Variants in HECW2 observed in about 807,000 individuals in gnomAD.
HECW2 encodes the protein E3 ubiquitin-protein ligase HECW2.
In HECW2, 61 loss-of-function variants were observed where a neutral mutation model predicts 175.2. The observed-to-expected ratio is 0.35, with a 90% CI of 0.28 to 0.43. The LOEUF is 0.43. HECW2 is among the 20% of genes least tolerant of loss of function. The pLI, the probability that HECW2 is intolerant of heterozygous loss-of-function variation, is 1.00. For synonymous variants in HECW2, 671 were observed against 731.0 expected (o/e 0.92, Z 1.32); for missense variants, 1,524 against 2,000.5 (o/e 0.76, Z 4.54).
intron 11 of HECW2, 55 bp downstream of exon 11, chr2:196,307,880 T>C: frequency 2.1e-6 from 3 of 1,423,394 alleles, no homozygotes; most frequent in Non-Finnish European, 2.8e-6. Flanking sequence ...TTGTGCCAAG[T>C]AAAAATTAGC....
intron 1 of HECW2, among the ~76,000 whole-genome samples, chr2:196,459,832 G>A (rs1428005966): frequency 2.0e-5 from 3 of 152,174 alleles, no homozygotes; most frequent in African/African-American, 4.8e-5. Context: ...TCAGAGATCC[G>A]AAAATTCCAC....
chr2:196,438,530 C>T (rs1575542819), intron 1 of HECW2, among the ~76,000 whole-genome samples: 1 of 152,100 alleles, frequency 6.6e-6, no homozygotes, highest in South Asian at 2.1e-4. Context: ...CATACAGGAC[C>T]GGGAAGTACA....
intron 1 of HECW2, among the ~76,000 whole-genome samples, chr2:196,578,361 C>T (rs1287172439): frequency 6.6e-6 from 1 of 152,068 alleles, no homozygotes; most frequent in Admixed American, 6.6e-5. Context: ...AACAGAGCTT[C>T]AGAAACCTGT....
At chr2:196,559,375 T>C (rs1390029088) in intron 1 of HECW2, among the ~76,000 whole-genome samples, 1 of 152,228 alleles carries the variant, frequency 6.6e-6, no homozygotes, top group Admixed American at 6.5e-5. Flanking sequence ...GGAGGTTCAA[T>C]TCCTTCATCA....
chr2:196,335,601 C>T (rs1692522012), intron 3 of HECW2, among the ~76,000 whole-genome samples: 1 of 152,042 alleles, frequency 6.6e-6, no homozygotes, highest in Admixed American at 6.6e-5. Flanking sequence ...TCTTTGGTTT[C>T]CTTATTTTAA....
At chr2:196,358,530 G>A (rs1296244267) in intron 2 of HECW2, among the ~76,000 whole-genome samples, 1 of 125,490 alleles carries the variant, frequency 8.0e-6, no homozygotes, top group Admixed American at 9.8e-5. Flanking sequence ...AGGTTGCAGT[G>A]AGCCGAGATC....
At chr2:196,431,535 A>C (rs192512629) in intron 2 of HECW2, among the ~76,000 whole-genome samples, 6 of 152,324 alleles carry the variant, frequency 3.9e-5, no homozygotes, top group Admixed American at 6.5e-5. Flanking sequence ...TAAGTCTTCT[A>C]TTAAGATTAT....
intron 1 of HECW2, among the ~76,000 whole-genome samples, chr2:196,523,178 A>C (rs1189957954): frequency 6.6e-6 from 1 of 152,130 alleles, no homozygotes; most frequent in Non-Finnish European, 1.5e-5. Flanking sequence ...TACTCCTTGA[A>C]GAGGTCATTC....
intron 2 of HECW2, among the ~76,000 whole-genome samples, chr2:196,415,796 A>G (rs1695239526): frequency 1.3e-5 from 2 of 152,244 alleles, no homozygotes; most frequent in South Asian, 4.1e-4. Flanking sequence ...GATTGGCCAG[A>G]AAACTGGGAG....
At chr2:196,505,216 A>T (rs1407002339) in intron 1 of HECW2, among the ~76,000 whole-genome samples, 1 of 152,228 alleles carries the variant, frequency 6.6e-6, no homozygotes, top group East Asian at 1.9e-4. Flanking sequence ...GACAGCAGTA[A>T]GAATTAAGAC....
intron 28 of HECW2, among the ~76,000 whole-genome samples, chr2:196,205,989 G>T (rs2375683): frequency 0.22 from 33,118 of 151,900 alleles, 4,427 homozygotes; most frequent in East Asian, 0.54. Context: ...TATGAGCCAA[G>T]GCCAGGAAAA....
chr2:196,359,765 T>C (rs1033458007), intron 2 of HECW2, among the ~76,000 whole-genome samples: 1 of 152,182 alleles, frequency 6.6e-6, no homozygotes, highest in African/African-American at 2.4e-5. Context: ...AACCAAATAC[T>C]TGTTGGAGCT....
chr2:196,249,059 A>T (rs1467352558), intron 19 of HECW2, among the ~76,000 whole-genome samples: 1 of 152,254 alleles, frequency 6.6e-6, no homozygotes, highest in Non-Finnish European at 1.5e-5. Flanking sequence ...TAATATATTT[A>T]TGAAAGAGTT....
intron 1 of HECW2, among the ~76,000 whole-genome samples, chr2:196,575,050 C>T (rs1193662819): frequency 7.4e-6 from 1 of 134,780 alleles, no homozygotes; most frequent in Non-Finnish European, 1.5e-5. Context: ...CACTATACTC[C>T]AGCCTGGGTA....
chr2:196,326,800 AGAC>A (rs1305255419), intron 5 of HECW2, among the ~76,000 whole-genome samples: 1 of 152,166 alleles, frequency 6.6e-6, no homozygotes, highest in Non-Finnish European at 1.5e-5. Context: ...GAGAAGGAAA[AGAC>A]GGGTAAAGAA....
chr2:196,391,601 T>C (rs115560315), intron 2 of HECW2, among the ~76,000 whole-genome samples: 3,881 of 152,292 alleles, frequency 0.025, 169 homozygotes, highest in African/African-American at 0.088. Context: ...TAGTTCTATA[T>C]TTTTTCTCTC....
chr2:196,547,708 AG>A (rs1689472235), intron 1 of HECW2, among the ~76,000 whole-genome samples: 1 of 152,252 alleles, frequency 6.6e-6, no homozygotes, highest in African/African-American at 2.4e-5. Context: ...AGCAATACAC[AG>A]GAAGGGCTTC....
intron 1 of HECW2, among the ~76,000 whole-genome samples, chr2:196,564,862 AT>A (rs1690123129): frequency 6.6e-6 from 1 of 152,116 alleles, no homozygotes; most frequent in African/African-American, 2.4e-5. Context: ...AAATTGAAAA[AT>A]AAAATAGCAT....
chr2:196,442,368 A>T (rs1357516983), intron 1 of HECW2, among the ~76,000 whole-genome samples: 1 of 152,246 alleles, frequency 6.6e-6, no homozygotes, highest in East Asian at 1.9e-4. Context: ...AACAACACTC[A>T]TATGTTGCTG....
Sources: gnomAD v4.1 joint callset for allele counts (sites outside exome capture counted in the v4.1 genomes callset) on GRCh38, gnomAD v4.1.1 for gene constraint, MANE v1.5 for transcripts, NCBI Gene and HGNC (gene_info 2026-07-23, HGNC 2026-07-21) for gene names.